MICAL2: variants seen among roughly 807,000 people sequenced by gnomAD.
The protein encoded by MICAL2 is [F-actin]-monooxygenase MICAL2.
A neutral mutation model predicts 127.3 loss-of-function variants in MICAL2; 77 were observed. The ratio of observed to expected loss-of-function variants is 0.60; its 90% CI spans 0.50 to 0.73. The LOEUF is 0.73. Ranked by LOEUF, MICAL2 falls within the 30% of genes least tolerant of loss-of-function variation. The pLI is 0.00. For missense variants in MICAL2, 1,351 were observed against 1,434.4 expected (o/e 0.94, Z 0.94); for synonymous variants, 570 against 551.1 (o/e 1.03, Z -0.48).
At chr11:12,240,221 C>T (rs1036209639) in intron 17 of MICAL2, among the ~76,000 whole-genome samples, 4 of 152,172 alleles carry the variant, frequency 2.6e-5, no homozygotes, top group African/African-American at 9.7e-5. Flanking sequence ...CTGGAGGAGG[C>T]AGAATGCTGC....
At chr11:12,250,192 G>C (rs1356355434) in intron 22 of MICAL2, 1 of 152,246 alleles carries the variant, frequency 6.6e-6, no homozygotes, top group African/African-American at 2.4e-5. Context: ...GCAGAGGAAA[G>C]TGATTTAAGA....
Position 12,239,512 on chromosome 11 carries a change from A to T in MICAL2, c.2141A>T (p.Lys714Ile). The change falls in exon 17 of 28, where the codon AAA becomes ATA. Residue 714 changes from lysine to isoleucine, a missense_variant. Lys to Ile is a moderately radical substitution (Grantham distance 102). Around this residue, in one of 2 missense-constraint regions of MICAL2, gnomAD observed 752 missense variants for 719.4 expected, o/e 1.05. Transcript: ENST00000683283. The stretch of plus-strand genomic sequence containing the variant: ...AGTAAGGAAGGTGGAAATCAGAACA[A>T]AGTCAAGTCCATGGCGAATCAGCTG... ...GSSKEGGNQNKVKSMANQLLA... is the reference protein window; with the variant it reads ...GSSKEGGNQNIVKSMANQLLA... The T allele has an allele frequency of 1.9e-6, 3 of 1,614,194 alleles. No homozygotes were observed. The highest frequency in any genetic ancestry group is 2.5e-6 in the Non-Finnish European group (3 of 1,180,040).
intron 32 of MICAL2, among the ~76,000 whole-genome samples, chr11:12,338,281 G>GCCTTTTTTTGTTCT (rs1938801218): frequency 6.6e-6 from 1 of 151,932 alleles, no homozygotes; most frequent in Non-Finnish European, 1.5e-5. Flanking sequence ...TGCAACCCCT[G>GCCTTTTTTTGTTCT]CCTTTTTTTG....
At chr11:12,210,215 A>C (rs1455941940) in intron 6 of MICAL2, among the ~76,000 whole-genome samples, 1 of 152,182 alleles carries the variant, frequency 6.6e-6, no homozygotes, top group Non-Finnish European at 1.5e-5. Flanking sequence ...AGATCCTGTC[A>C]GTTTGTGAGA....
intron 3 of MICAL2, among the ~76,000 whole-genome samples, chr11:12,203,535 C>T (rs1300761269): frequency 2.0e-5 from 3 of 152,200 alleles, no homozygotes; most frequent in Admixed American, 1.3e-4. Flanking sequence ...TTTTCATGTA[C>T]TTAGTGACCA....
intron 3 of MICAL2, among the ~76,000 whole-genome samples, chr11:12,163,270 G>A (rs1855059538): frequency 6.6e-6 from 1 of 152,208 alleles, no homozygotes; most frequent in South Asian, 2.1e-4. Context: ...TGACTTCCCT[G>A]GTGGCCGTTG....
chr11:12,279,041 CA>C, intron 1 of MICAL2, among the ~76,000 whole-genome samples: 1 of 152,140 alleles, frequency 6.6e-6, no homozygotes, highest in Admixed American at 6.5e-5. Context: ...TTCCTGTAGA[CA>C]AAGAAGAGCT....
chr11:12,342,675 A>G (rs1938885948), intron 32 of MICAL2, among the ~76,000 whole-genome samples: 1 of 152,232 alleles, frequency 6.6e-6, no homozygotes, highest in East Asian at 1.9e-4. Flanking sequence ...AATGCTAAGC[A>G]TTTGACATGC....
chr11:12,227,085 C>G lies in MICAL2; in HGVS notation c.1949C>G (p.Ser650Cys). ...ADLSLAKSSI[S>C]NNYLNLTFPR... ...CTCAGCTTGGCCAAATCATCCATTTCTAATAACTATCTCAACCTCACATTT... is the reference window on the plus strand; with the variant it reads ...CTCAGCTTGGCCAAATCATCCATTTGTAATAACTATCTCAACCTCACATTT... The change falls in exon 15 of 28, where the codon TCT (serine) becomes TGT (cysteine). Residue 650 changes from serine (S) to cysteine (C), a missense_variant. Transcript: ENST00000683283. 1.2e-6 allele frequency: 2 copies of G among 1,614,116 alleles called. No homozygotes were observed. Among genetic ancestry groups the G allele is most frequent in the South Asian group, 2.2e-5 (2 of 91,080 alleles).
At chr11:12,314,381 G>C (rs1864208380) in intron 29 of MICAL2, among the ~76,000 whole-genome samples, 1 of 151,888 alleles carries the variant, frequency 6.6e-6, no homozygotes, top group Non-Finnish European at 1.5e-5. Context: ...TATTTTGGCT[G>C]TTACCCAAGA....
chr11:12,320,584 G>A (rs7939755), intron 30 of MICAL2, among the ~76,000 whole-genome samples: 5,576 of 152,172 alleles, frequency 0.037, 371 homozygotes, highest in African/African-American at 0.13. Flanking sequence ...AATGCTTCCC[G>A]GGTAGAAAGA....
At chr11:12,113,041 C>T (rs1049318348) in intron 1 of MICAL2, among the ~76,000 whole-genome samples, 5 of 151,986 alleles carry the variant, frequency 3.3e-5, no homozygotes, top group East Asian at 3.9e-4. Flanking sequence ...CAGGACGGGA[C>T]GTGGTAAGGG....
chr11:12,115,855 C>T (rs1375584134), intron 1 of MICAL2, among the ~76,000 whole-genome samples: 3 of 152,100 alleles, frequency 2.0e-5, no homozygotes, highest in South Asian at 2.1e-4. Context: ...GTATTTGGAA[C>T]GGTTATACAT....
chr11:12,222,784 T>C, intron 11 of MICAL2, 41 bp downstream of exon 11: 4 of 1,609,826 alleles, frequency 2.5e-6, no homozygotes, highest in Non-Finnish European at 3.4e-6. Flanking sequence ...CACTCTGCAC[T>C]GAACAGTGGG....
chr11:12,346,587 C>T (rs1030860394), intron 32 of MICAL2, among the ~76,000 whole-genome samples: 1 of 152,184 alleles, frequency 6.6e-6, no homozygotes, highest in African/African-American at 2.4e-5. Context: ...CTCTGTCATC[C>T]ATTTAGACTG....
chr11:12,295,083 C>T (rs1015515212), downstream of MICAL2, among the ~76,000 whole-genome samples: 3 of 151,930 alleles, frequency 2.0e-5, no homozygotes, highest in Non-Finnish European at 4.4e-5. Flanking sequence ...ACCACTTTCT[C>T]ATTTATTTTC....
At chr11:12,294,147 C>T, downstream of MICAL2, 2 of 1,614,000 alleles carry the variant, frequency 1.2e-6, no homozygotes, top group Non-Finnish European at 8.5e-7. Flanking sequence ...GCAGGAGAGC[C>T]CCTGCCAACC....
chr11:12,208,236 T>C, intron 5 of MICAL2, 97 bp downstream of exon 5: 1 of 960,112 alleles, frequency 1.0e-6, no homozygotes, highest in South Asian at 1.5e-5. Context: ...GGAGTTATTC[T>C]TACTGGGAGC....
downstream of MICAL2, among the ~76,000 whole-genome samples, chr11:12,268,784 A>T (rs969993185): frequency 1.3e-5 from 2 of 151,794 alleles, no homozygotes; most frequent in Admixed American, 1.3e-4. Context: ...AGGTTAGGAG[A>T]TCGAGACCAT....
Sources: gnomAD v4.1 joint callset for allele counts (sites outside exome capture counted in the v4.1 genomes callset) on GRCh38, gnomAD v4.1.1 for gene constraint, gnomAD v4.1.1 regional missense constraint, MANE v1.5 for transcripts, NCBI Gene and HGNC (gene_info 2026-07-23, HGNC 2026-07-21) for gene names.